Variants in OSBPL5 observed in about 807,000 individuals in gnomAD.
OSBPL5 encodes oxysterol-binding protein-related protein 5.
OSBPL5 carries 71 observed loss-of-function variants against 111.2 expected under a neutral mutation model. The ratio of observed to expected loss-of-function variants is 0.64; its 90% CI spans 0.53 to 0.78. The LOEUF (loss-of-function observed/expected upper bound fraction) is 0.78. OSBPL5 is among the 30% of genes least tolerant of loss of function. OSBPL5 has a pLI of 0.00. For synonymous variants in OSBPL5, 549 were observed against 513.9 expected (o/e 1.07, Z -0.93); for missense variants, 1,210 against 1,189.3 (o/e 1.02, Z -0.26).
Position 3,105,120 on chromosome 11 carries a change from G to A in OSBPL5, c.1060-743C>T, listed in dbSNP as rs1857649044. ...ACCTCACCGCAGCCCCAGGGAACGG[G>A]GACCCTGGTCCTCCCCCTCCACAGA... On this transcript the variant is annotated intron_variant, in intron 9 of 21. Coordinates refer to ENST00000263650, the MANE Select transcript of OSBPL5 (RefSeq NM_020896.4). This position sits in a 1 kb window ranked among gnomAD's most constrained non-coding sequence, Gnocchi z 5.2. Among the ~76,000 whole-genome samples the A allele has an allele frequency of 2.6e-5, 4 of 152,270 alleles. No homozygotes were observed. In the South Asian group the frequency reaches 8.3e-4, roughly 32 times the overall value.
chr11:3,101,209 A>C (rs941274888), intron 13 of OSBPL5, among the ~76,000 whole-genome samples: 2 of 152,080 alleles, frequency 1.3e-5, no homozygotes, highest in Non-Finnish European at 2.9e-5. Flanking sequence ...TCCTGATCTC[A>C]AGTGATCCAC....
intron 19 of OSBPL5, 116 bp from the exon 20 acceptor site, chr11:3,090,812 G>C: frequency 2.9e-6 from 4 of 1,360,154 alleles, no homozygotes; most frequent in Non-Finnish European, 3.9e-6. Flanking sequence ...CCAGCAGGGA[G>C]GGCAGCTGCT....
chr11:3,108,079 G>A (rs1320510935), intron 7 of OSBPL5, 134 bp from the exon 8 acceptor site: 2 of 1,192,102 alleles, frequency 1.7e-6, no homozygotes, highest in Non-Finnish European at 2.3e-6. Context: ...CCCACCCCTG[G>A]CCCTGCCCCA....
At chr11:3,095,603 G>T (rs1164146244) in intron 14 of OSBPL5, among the ~76,000 whole-genome samples, 4 of 152,190 alleles carry the variant, frequency 2.6e-5, no homozygotes, top group Non-Finnish European at 5.9e-5. Flanking sequence ...GAAAGGTTCT[G>T]AAATCACCAA....
intron 7 of OSBPL5, among the ~76,000 whole-genome samples, chr11:3,118,570 A>ATTTTTTT (rs143316664): frequency 1.6e-5 from 2 of 124,162 alleles, no homozygotes; most frequent in African/African-American, 6.2e-5. Context: ...AAAATAAACT[A>ATTTTTTT]TTTTTTTTTT....
In OSBPL5 at chr11:3,088,262, C is replaced by G; in HGVS notation, c.2583G>C (p.Trp861Cys). Residue 861 changes from tryptophan to cysteine, a missense_variant, in exon 22 of 22, where the codon TGG becomes TGC. Transcript: ENST00000263650. ...ACGCCAGGAACACGCAGAGCAGGAA[C>G]CAGGATCGGGGGCTCTGCAGGAGGC... is the stretch of plus-strand genomic sequence containing the variant. ...TPGLLQSPRS[W>C]FLLCVFLACQ... 1 of 1,606,922 alleles carries G rather than the reference C, an allele frequency of 6.2e-7. No individual in the cohort carries two copies. Among genetic ancestry groups the G allele is most frequent in the South Asian group, 1.1e-5 (1 of 89,746 alleles).
At position 3,092,418 on chromosome 11, in the gene OSBPL5, T is replaced by C. The variant is rs906881128; in HGVS notation, c.2259+14A>G. Reference sequence around the variant, plus strand: ...GCTAAGACCAGCCCTGGGTGGGGCCTGTGGGGTGCTGACCTCGTGCCTGGG... The same window carrying C: ...GCTAAGACCAGCCCTGGGTGGGGCCCGTGGGGTGCTGACCTCGTGCCTGGG... On this transcript the variant is annotated intron_variant, in intron 19 of 21. Transcript: ENST00000263650. This position sits in a 1 kb window ranked among gnomAD's most constrained non-coding sequence, Gnocchi z 5.4. 2 of 1,568,766 alleles carry C rather than the reference T, an allele frequency of 1.3e-6. No individual in the cohort carries two copies.
At position 3,129,038 on chromosome 11, in the gene OSBPL5, G is replaced by T. The variant is rs141688462; in HGVS notation, c.111C>A (p.Asp37Glu). 6.3e-7 allele frequency: 1 copy of T among 1,587,782 alleles called. No individual in the cohort carries two copies. Among genetic ancestry groups the T allele is most frequent in the Non-Finnish European group, 8.6e-7 (1 of 1,167,848 alleles). ...CTGGGCTGAGTGGGTAGAGCTCATT[G>T]TCTCCGCTGAGGAGCAAGTTCCGGG... Reference protein sequence around the residue: ...KLTRNLLLSGDNELYPLSPGK... With the variant: ...KLTRNLLLSGENELYPLSPGK... The change falls in exon 2 of 22, where the codon GAC (aspartate) becomes GAA (glutamate). Residue 37 changes from aspartate to glutamate, a missense_variant. Asp to Glu is a conservative substitution (Grantham distance 45). Coordinates refer to ENST00000263650, the MANE Select transcript of OSBPL5 (RefSeq NM_020896.4).
In OSBPL5 at chr11:3,126,548, G is replaced by C; in HGVS notation, c.144C>G (p.Asp48Glu). The C allele has an allele frequency of 1.2e-6, 2 of 1,608,016 alleles. No homozygotes were observed. The highest frequency in any genetic ancestry group is 8.5e-7 in the Non-Finnish European group (1 of 1,178,224). The change falls in exon 3 of 22, where the codon GAC (aspartate) becomes GAG (glutamate). Residue 48 changes from aspartate (D) to glutamate (E), a missense_variant. By Grantham distance (45) the Asp-to-Glu change is conservative. Transcript: ENST00000263650. This position sits in a 1 kb window ranked among gnomAD's most constrained non-coding sequence, Gnocchi z 6.5. ...GCAGCGACGGGCCGTTGGGCTCCAT[G>C]TCCTTCCCTGCAAGAGAGCAGTGGG... ...NELYPLSPGK[D>E]MEPNGPSLPR... is the part of the protein sequence containing the mutation.
chr11:3,147,064 C>T (rs750605913), intron 1 of OSBPL5, among the ~76,000 whole-genome samples: 2 of 152,106 alleles, frequency 1.3e-5, no homozygotes, highest in Non-Finnish European at 2.9e-5. Flanking sequence ...TTCCCAGTCA[C>T]CCTCACGTCC....
chr11:3,138,827 G>A (rs894455851), intron 1 of OSBPL5, among the ~76,000 whole-genome samples: 1 of 152,242 alleles, frequency 6.6e-6, no homozygotes, highest in Admixed American at 6.5e-5. Context: ...AGGGACACGC[G>A]GCTGAGAAGC....
Position 3,126,283 on chromosome 11 carries a change from G to C in OSBPL5, c.219+190C>G, listed in dbSNP as rs1432148977. ...AAGCATTTTTCATGACAGCTATATG[G>C]TGAAAACAGCCCAAATATCCACCAG... On this transcript the variant is annotated intron_variant, in intron 3 of 21. Transcript: ENST00000263650. This position sits in a 1 kb window ranked among gnomAD's most constrained non-coding sequence, Gnocchi z 6.5. Among the ~76,000 whole-genome samples the C allele has an allele frequency of 1.3e-5, 2 of 152,162 alleles. No homozygotes were observed. The highest frequency in any genetic ancestry group is 1.3e-4 in the Admixed American group (2 of 15,274).
chr11:3,116,312 C>T (rs1316703931), intron 7 of OSBPL5, among the ~76,000 whole-genome samples: 1 of 152,160 alleles, frequency 6.6e-6, no homozygotes, highest in East Asian at 1.9e-4. Context: ...TCAATTGTGT[C>T]TTTGAGTATG....
chr11:3,112,101 ATG>A (rs199907984), intron 7 of OSBPL5, among the ~76,000 whole-genome samples: 23,456 of 123,492 alleles, frequency 0.19, 2,054 homozygotes, highest in Admixed American at 0.24. Context: ...GTGTGTGCAT[ATG>A]TGTGTGTGCA....
chr11:3,128,986 G>A (rs1229507558), intron 2 of OSBPL5, 27 bp downstream of exon 2: 2 of 1,498,950 alleles, frequency 1.3e-6, no homozygotes, highest in African/African-American at 2.9e-5. Context: ...TGAGGGCCAG[G>A]TTGCCCTGCC....
chr11:3,108,139 T>C (rs1857778351), intron 7 of OSBPL5, among the ~76,000 whole-genome samples, 194 bp from the exon 8 acceptor site: 1 of 151,924 alleles, frequency 6.6e-6, no homozygotes, highest in Non-Finnish European at 1.5e-5. Context: ...GCAGATTGTG[T>C]GGGGGCAGAC....
At chr11:3,151,715 G>A (rs1846593007) in intron 1 of OSBPL5, among the ~76,000 whole-genome samples, 1 of 152,372 alleles carries the variant, frequency 6.6e-6, no homozygotes, top group African/African-American at 2.4e-5. Flanking sequence ...GTGACTCCTC[G>A]GAGAATGGTC....
Position 3,092,757 on chromosome 11 carries a change from C to T in OSBPL5, c.2132+110G>A. ...TCTGACCCTCCCCCACCGACTCCTC[C>T]AGGGGACAGGCTGAAGGTGAGAGGG... On this transcript the variant is annotated intron_variant, in intron 18 of 21. Transcript: ENST00000263650. This position sits in a 1 kb window ranked among gnomAD's most constrained non-coding sequence, Gnocchi z 5.4. 1 of 1,403,230 alleles carries T rather than the reference C, an allele frequency of 7.1e-7. No homozygotes were observed. The highest frequency in any genetic ancestry group is 9.5e-7 in the Non-Finnish European group (1 of 1,055,008). The allele number at this position is 1,403,230 out of a possible 1,614,324, so 86.9% of individuals were successfully genotyped here. A position where few individuals can be genotyped will look rare whatever the true frequency, so the allele number is the denominator to read the frequency against.
At chr11:3,138,635 G>A (rs1411192600) in intron 1 of OSBPL5, among the ~76,000 whole-genome samples, 2 of 152,210 alleles carry the variant, frequency 1.3e-5, no homozygotes, top group Admixed American at 6.5e-5. Flanking sequence ...TGTGGGGCTG[G>A]CCTCTGTCCT....
Sources: gnomAD v4.1 joint callset for allele counts (sites outside exome capture counted in the v4.1 genomes callset) on GRCh38, gnomAD v4.1.1 for gene constraint, Gnocchi (gnomAD v3.1) non-coding constraint, MANE v1.5 for transcripts, NCBI Gene and HGNC (gene_info 2026-07-23, HGNC 2026-07-21) for gene names.